The following COL19A1 variants were observed in gnomAD, a reference collection of about 807,000 sequenced individuals.
The protein encoded by COL19A1 is collagen alpha-1(XIX) chain.
Under a neutral mutation model 190.2 loss-of-function variants are expected in COL19A1, and 159 were observed. The ratio of observed to expected loss-of-function variants is 0.84; its 90% CI spans 0.73 to 0.95. The LOEUF (loss-of-function observed/expected upper bound fraction) is 0.95. COL19A1 is among the 40% of genes least tolerant of loss of function. The pLI is 0.00. For missense variants in COL19A1, 1,418 were observed against 1,431.9 expected (o/e 0.99, Z 0.16); for synonymous variants, 509 against 458.9 (o/e 1.11, Z -1.39).
chr6:70,075,751 C>A (rs1781845285), intron 15 of COL19A1, among the ~76,000 whole-genome samples: 1 of 150,206 alleles, frequency 6.7e-6, no homozygotes, highest in African/African-American at 2.5e-5. Flanking sequence ...ATAGAAGAGA[C>A]AAAACGCCCT....
At chr6:69,875,304 G>A (rs1012160225) in intron 1 of COL19A1, among the ~76,000 whole-genome samples, 1 of 152,166 alleles carries the variant, frequency 6.6e-6, no homozygotes, top group Non-Finnish European at 1.5e-5. Flanking sequence ...CTGGTTATTT[G>A]GGACTTCTAG....
In COL19A1 at chr6:70,207,685, G is replaced by GT. The variant is rs1282473918; in HGVS notation, c.*412dup. The GT allele has an allele frequency of 6.6e-6, 1 of 152,548 alleles. No individual in the cohort carries two copies. Among genetic ancestry groups the GT allele is most frequent in the African/African-American group, 2.4e-5 (1 of 41,316 alleles). The allele number at this position is 152,548 out of a possible 1,614,324, so 9.4% of individuals were successfully genotyped here. On this transcript the variant is annotated 3_prime_UTR_variant, in exon 51 of 51. Transcript: ENST00000620364. ...AAGTTTCAGACTTATCTTTTCCTTG[G>GT]TGTTTAAATTTACTATCATTGCTAA...
intron 48 of COL19A1, among the ~76,000 whole-genome samples, chr6:70,195,136 GATATATATATATAT>G (rs202055762): frequency 2.2e-5 from 3 of 136,030 alleles, no homozygotes; most frequent in Non-Finnish European, 3.2e-5. Flanking sequence ...CATCATTGAT[GATATATATATATAT>G]ATATATATAT....
chr6:70,155,097 C>T (rs1049715258), intron 31 of COL19A1, among the ~76,000 whole-genome samples: 2 of 152,242 alleles, frequency 1.3e-5, no homozygotes, highest in East Asian at 1.9e-4. Context: ...TTTTCAGTAT[C>T]GTGCAAAATT....
Position 70,068,427 on chromosome 6 carries a change from C to T in COL19A1, c.1175C>T (p.Ser392Phe). The T allele has an allele frequency of 1.3e-6, 2 of 1,592,808 alleles. No homozygotes were observed. Among genetic ancestry groups the T allele is most frequent in the Non-Finnish European group, 1.7e-6 (2 of 1,161,622 alleles). ...GPPGPPALPG[S>F]LGIQGPQGPP... is the part of the protein sequence containing the mutation. Reference sequence around the variant, plus strand: ...TGTGTCTCTTTTTCCTCATAGGGTTCCCTGGGGATACAAGGCCCCCAAGGT... The same window carrying T: ...TGTGTCTCTTTTTCCTCATAGGGTTTCCTGGGGATACAAGGCCCCCAAGGT... Residue 392 changes from serine (S) to phenylalanine (F), a missense_variant, in exon 15 of 51, where the codon TCC (serine) becomes TTC (phenylalanine). Physicochemically the swap from Ser to Phe is radical, Grantham distance 155. Transcript: ENST00000620364.
intron 2 of COL19A1, among the ~76,000 whole-genome samples, chr6:69,889,015 G>T (rs1769144896): frequency 6.6e-6 from 1 of 152,108 alleles, no homozygotes; most frequent in Non-Finnish European, 1.5e-5. Flanking sequence ...TTTTTAAGAA[G>T]CCTTTTTTAA....
intron 14 of COL19A1, among the ~76,000 whole-genome samples, chr6:70,066,421 G>A (rs1159400766): frequency 1.3e-5 from 2 of 152,036 alleles, no homozygotes; most frequent in African/African-American, 2.4e-5. Context: ...GACACAGGAA[G>A]GGGAACATCA....
At chr6:70,180,259 G>T (rs1766086878) in intron 42 of COL19A1, 53 bp from the exon 43 acceptor site, 3 of 1,600,620 alleles carry the variant, frequency 1.9e-6, no homozygotes, top group Admixed American at 3.3e-5. Flanking sequence ...AGAAGCATAT[G>T]GTGTCGTTCA....
intron 11 of COL19A1, among the ~76,000 whole-genome samples, chr6:69,997,063 G>C (rs1776961093): frequency 6.6e-6 from 1 of 150,720 alleles, no homozygotes; most frequent in African/African-American, 2.5e-5. Context: ...AGAACCAAAA[G>C]AGAATCTAAC....
chr6:70,078,370 G>C (rs575389818), intron 15 of COL19A1, among the ~76,000 whole-genome samples: 2 of 152,208 alleles, frequency 1.3e-5, no homozygotes, highest in Non-Finnish European at 2.9e-5. Flanking sequence ...ACCTGTAACA[G>C]AGTGAGGGAA....
At chr6:70,189,145 A>G (rs1416403543) in intron 47 of COL19A1, among the ~76,000 whole-genome samples, 1 of 151,974 alleles carries the variant, frequency 6.6e-6, no homozygotes, top group South Asian at 2.1e-4. Context: ...GATTTTTTTT[A>G]TTTTTATTTT....
chr6:70,183,555 C>A (rs1189912293), intron 44 of COL19A1, among the ~76,000 whole-genome samples: 2 of 152,190 alleles, frequency 1.3e-5, no homozygotes, highest in Non-Finnish European at 2.9e-5. Flanking sequence ...CTGTTTCTTT[C>A]ACATCCTCTC....
intron 15 of COL19A1, among the ~76,000 whole-genome samples, chr6:70,075,268 A>G (rs569667398): frequency 1.3e-5 from 2 of 152,320 alleles, no homozygotes; most frequent in Admixed American, 1.3e-4. Context: ...CATTGTTTGA[A>G]TTTACAAAAC....
At chr6:69,962,308 A>G (rs1045800672) in intron 10 of COL19A1, among the ~76,000 whole-genome samples, 1 of 152,212 alleles carries the variant, frequency 6.6e-6, no homozygotes, top group Admixed American at 6.5e-5. Flanking sequence ...ATAGTGGACA[A>G]GAAGAAGCAT....
rs144153454 is a variant in COL19A1, at chr6:70,146,851, G to A, written c.1855G>A (p.Asp619Asn). The A allele has an allele frequency of 4.1e-4, 652 of 1,592,958 alleles. No homozygotes were observed. Among genetic ancestry groups the A allele is most frequent in the Non-Finnish European group, 5.3e-4 (626 of 1,171,582 alleles). Residue 619 changes from aspartate to asparagine, a missense_variant, in exon 27 of 51, where the codon GAC (aspartate) becomes AAC (asparagine). Transcript: ENST00000620364. ...GLPGVHGSPG[D>N]IGPQGIGIPG... The stretch of plus-strand genomic sequence containing the variant: ...TCCAGGTGTTCACGGTTCCCCAGGG[G>A]ACATAGGCCCACAAGGGATAGGAAT...
intron 11 of COL19A1, among the ~76,000 whole-genome samples, chr6:69,978,695 C>T (rs189813963): frequency 3.2e-4 from 48 of 150,438 alleles, no homozygotes; most frequent in Admixed American, 7.3e-4. Context: ...TAAATAGCCC[C>T]GAAACAAAAT....
intron 49 of COL19A1, among the ~76,000 whole-genome samples, chr6:70,206,332 A>T (rs924130857): frequency 5.9e-5 from 9 of 152,200 alleles, no homozygotes; most frequent in African/African-American, 1.9e-4. Flanking sequence ...CGCTATCAAG[A>T]GTATAACTAG....
At chr6:70,193,849 A>G (rs546862010) in intron 48 of COL19A1, among the ~76,000 whole-genome samples, 4 of 152,334 alleles carry the variant, frequency 2.6e-5, no homozygotes, top group African/African-American at 7.2e-5. Context: ...CACTTTTTCC[A>G]TGGCTTCTGA....
At chr6:69,895,168 C>T (rs755781007) in intron 2 of COL19A1, among the ~76,000 whole-genome samples, 1 of 151,958 alleles carries the variant, frequency 6.6e-6, no homozygotes, top group Non-Finnish European at 1.5e-5. Context: ...CCTAGCACTG[C>T]GTAGGGTGTG....
Sources: allele counts gnomAD v4.1 joint callset (sites outside exome capture counted in the v4.1 genomes callset), GRCh38; gene constraint gnomAD v4.1.1; transcripts MANE v1.5; gene names NCBI Gene and HGNC (gene_info 2026-07-23, HGNC 2026-07-21).